The following METTL25 variants were observed in gnomAD, a reference collection of about 807,000 sequenced individuals.
The protein encoded by METTL25 is methyltransferase like 25.
A neutral mutation model predicts 71.6 loss-of-function variants in METTL25; 64 were observed. The observed-to-expected ratio is 0.89, with a 90% CI of 0.73 to 1.10. The LOEUF is 1.10. Ranked by LOEUF, METTL25 falls within the 50% of genes least tolerant of loss-of-function variation. The pLI is 0.00. For missense variants in METTL25, 807 were observed against 707.0 expected (o/e 1.14, Z -1.60); for synonymous variants, 287 against 250.3 (o/e 1.15, Z -1.38).
chr12:82,472,088 C>CTTGGGACA (rs1188017963), intron 9 of METTL25, among the ~76,000 whole-genome samples: 1 of 152,066 alleles, frequency 6.6e-6, no homozygotes, highest in Non-Finnish European at 1.5e-5. Context: ...TACAATCTGT[C>CTTGGGACA]TTGGGACATT....
At chr12:82,362,886 G>A (rs946484699) in intron 1 of METTL25, among the ~76,000 whole-genome samples, 3 of 152,218 alleles carry the variant, frequency 2.0e-5, no homozygotes, top group Non-Finnish European at 4.4e-5. Flanking sequence ...AAAAACAACT[G>A]TAAGATTCTG....
chr12:82,413,553 G>T (rs1016573290), intron 5 of METTL25, among the ~76,000 whole-genome samples: 3 of 151,980 alleles, frequency 2.0e-5, no homozygotes, highest in Non-Finnish European at 4.4e-5. Context: ...ACCGACTAGC[G>T]TTCTCCTCTG....
At position 82,358,741 on chromosome 12, in the gene METTL25, TGGCTGCGCTGAGGAAGTC is replaced by T; in HGVS notation, c.177_194del (p.Ala61_Ala66del). 6.2e-7 allele frequency: 1 copy of T among 1,613,838 alleles called. No homozygotes were observed. Among genetic ancestry groups the T allele is most frequent in the African/African-American group, 1.3e-5 (1 of 74,968 alleles). On this transcript the variant is annotated inframe_deletion, in exon 1 of 12. Transcript: ENST00000248306. ...GTCGACTTGCCACCGGAGACAGTGC[TGGCTGCGCTGAGGAAGTC>T]AGCGTCGGAGACGGAGGCCCTGCCC...
At chr12:82,472,530 G>A (rs1431926012) in intron 9 of METTL25, among the ~76,000 whole-genome samples, 2 of 152,096 alleles carry the variant, frequency 1.3e-5, no homozygotes, top group Admixed American at 6.5e-5. Flanking sequence ...CCTGGGAGGC[G>A]GAGTTTGCAG....
rs59778065 is a variant in METTL25 at position 82,391,540 on chromosome 12, A to ATGTGTGTG, written c.531+1628_531+1635dup. On this transcript the variant is annotated intron_variant, in intron 3 of 11. Coordinates refer to ENST00000248306, the MANE Select transcript of METTL25 (RefSeq NM_032230.3). The stretch of plus-strand genomic sequence containing the variant: ...GTACAGTGTGATGTTTTGTTAGTAT[A>ATGTGTGTG]TGTGTGTGTGTGTGTGTATAAATGT... Among the ~76,000 whole-genome samples, 490 of 150,752 alleles carry ATGTGTGTG rather than the reference A, an allele frequency of 3.3e-3. 2 individuals are homozygous for ATGTGTGTG. Among genetic ancestry groups the ATGTGTGTG allele is most frequent in the African/African-American group, 0.011 (437 of 41,174 alleles).
intron 3 of METTL25, among the ~76,000 whole-genome samples, chr12:82,390,903 T>G (rs1426844519): frequency 6.6e-6 from 1 of 152,026 alleles, no homozygotes; most frequent in Non-Finnish European, 1.5e-5. Flanking sequence ...CTAAATATCT[T>G]TCAGGTGGCA....
At chr12:82,471,047 T>G (rs1379253529) in intron 9 of METTL25, among the ~76,000 whole-genome samples, 4 of 152,108 alleles carry the variant, frequency 2.6e-5, no homozygotes, top group Non-Finnish European at 5.9e-5. Context: ...TCTGCAGAGG[T>G]CTAAGAAACT....
chr12:82,431,356 T>C (rs181720409), intron 6 of METTL25, among the ~76,000 whole-genome samples: 1 of 151,696 alleles, frequency 6.6e-6, no homozygotes, highest in Admixed American at 6.6e-5. Context: ...AAATAAAACA[T>C]TTATTGTGCT....
At chr12:82,459,561 A>G (rs552151504) in intron 9 of METTL25, among the ~76,000 whole-genome samples, 1 of 152,330 alleles carries the variant, frequency 6.6e-6, no homozygotes, top group East Asian at 1.9e-4. Context: ...CAGGAGTTTG[A>G]GGCTGCAGTG....
At chr12:82,415,205 GT>G (rs1225477612) in intron 5 of METTL25, among the ~76,000 whole-genome samples, 4 of 152,050 alleles carry the variant, frequency 2.6e-5, no homozygotes, top group African/African-American at 9.7e-5. Flanking sequence ...ATGTTTTAAT[GT>G]AGATATGACT....
chr12:82,439,354 TCAA>T (rs1890159718), intron 8 of METTL25, among the ~76,000 whole-genome samples: 1 of 151,754 alleles, frequency 6.6e-6, no homozygotes, highest in Admixed American at 6.6e-5. Flanking sequence ...TAATATTGGT[TCAA>T]CAACTGTTGT....
In METTL25 at chr12:82,478,989, T is replaced by A; in HGVS notation, c.1777T>A (p.Cys593Ser). The change falls in exon 12 of 12, where the codon TGT becomes AGT. Residue 593 changes from cysteine to serine, a missense_variant. Cys to Ser is a moderately radical substitution (Grantham distance 112, BLOSUM62 -1). Coordinates refer to ENST00000248306, the MANE Select transcript of METTL25 (RefSeq NM_032230.3). ...GTTTGATCCCGTGAAATCTCCCAGA[T>A]GTTATGCTGTTATTGCCCTGAAGAA... The part of the protein sequence containing the change: ...KLFDPVKSPR[C>S]YAVIALKKQQ 2 of 1,612,842 alleles carry A rather than the reference T, an allele frequency of 1.2e-6. No homozygotes were observed.
intron 5 of METTL25, among the ~76,000 whole-genome samples, chr12:82,427,966 G>C (rs987887391): frequency 6.6e-6 from 1 of 151,968 alleles, no homozygotes; most frequent in Admixed American, 6.6e-5. Flanking sequence ...AACTGCTCTA[G>C]AAGCTTTGTA....
At chr12:82,425,440 G>A (rs915827436) in intron 5 of METTL25, among the ~76,000 whole-genome samples, 3 of 152,052 alleles carry the variant, frequency 2.0e-5, no homozygotes, top group African/African-American at 7.2e-5. Flanking sequence ...CAGCAAGGGA[G>A]TATAAAGAGA....
intron 5 of METTL25, among the ~76,000 whole-genome samples, chr12:82,409,692 C>T (rs2137054201): frequency 6.6e-6 from 1 of 152,152 alleles, no homozygotes. Context: ...TAGTGCACTC[C>T]ACATTTGCAC....
At chr12:82,366,291 G>T (rs17774459) in intron 1 of METTL25, among the ~76,000 whole-genome samples, 5,285 of 152,164 alleles carry the variant, frequency 0.035, 108 homozygotes, top group Middle Eastern at 0.078. Context: ...TGAACTCTCA[G>T]GAATTCCAGC....
chr12:82,369,017 C>A (rs1005042829), intron 1 of METTL25, among the ~76,000 whole-genome samples: 1 of 152,168 alleles, frequency 6.6e-6, no homozygotes, highest in Non-Finnish European at 1.5e-5. Flanking sequence ...TTCCCTCTAC[C>A]CTTAAACTGT....
intron 5 of METTL25, among the ~76,000 whole-genome samples, chr12:82,426,071 A>G (rs893019942): frequency 6.6e-6 from 1 of 152,108 alleles, no homozygotes; most frequent in African/African-American, 2.4e-5. Context: ...AGACTGATAC[A>G]TAAAAGTAGA....
intron 11 of METTL25, among the ~76,000 whole-genome samples, chr12:82,478,720 A>G (rs1893023773): frequency 6.6e-6 from 1 of 151,964 alleles, no homozygotes; most frequent in African/African-American, 2.4e-5. Flanking sequence ...ATAAACTTGT[A>G]ATTCACTCTC....
Sources: gnomAD v4.1 joint callset for allele counts (sites outside exome capture counted in the v4.1 genomes callset) on GRCh38, gnomAD v4.1.1 for gene constraint, MANE v1.5 for transcripts, NCBI Gene and HGNC (gene_info 2026-07-23, HGNC 2026-07-21) for gene names.